The following ALDOA variants were observed in gnomAD, a reference collection of about 807,000 sequenced individuals.
ALDOA encodes the protein fructose-bisphosphate aldolase A.
In ALDOA, 26 loss-of-function variants were observed where a neutral mutation model predicts 43.9. The observed-to-expected ratio is 0.59, with a 90% CI of 0.43 to 0.82. ALDOA has a LOEUF of 0.82. ALDOA is among the 40% of genes least tolerant of loss of function. The probability of loss-of-function intolerance (pLI) is 0.00; values close to 1 mark genes in which losing one functional copy is unlikely to be tolerated. For missense variants in ALDOA, 498 were observed against 549.5 expected (o/e 0.91, Z 0.94); for synonymous variants, 258 against 222.6 (o/e 1.16, Z -1.42).
In ALDOA at chr16:30,067,568, C is replaced by T. The variant is rs769441707; in HGVS notation, c.393C>T (p.Val131=). Residue 131 remains valine (V), a synonymous_variant, in exon 4 of 10, where the codon GTC becomes GTT. Coordinates refer to ENST00000642816, the MANE Select transcript of ALDOA (RefSeq NM_001243177.4). ...DDRVNPCIGG[V]ILFHETLYQK... ...GCGTGAACCCCTGCATTGGGGGTGT[C>T]ATCCTCTTCCATGAGACACTCTACC... The T allele has an allele frequency of 1.2e-6, 2 of 1,614,034 alleles. No homozygotes were observed. The highest frequency in any genetic ancestry group is 1.7e-6 in the Non-Finnish European group (2 of 1,180,036).
chr16:30,064,307 C>T, upstream of ALDOA: 1 of 395,586 alleles, frequency 2.5e-6, no homozygotes, highest in East Asian at 3.6e-5. Flanking sequence ...TCCAGAGAAT[C>T]AGAACAGCCA....
At chr16:30,067,854 A>G (rs1567323581) in intron 4 of ALDOA, 193 bp downstream of exon 4, 1 of 688,310 alleles carries the variant, frequency 1.5e-6, no homozygotes, top group Non-Finnish European at 2.5e-6. Context: ...CACTTTACAC[A>G]TGAAAATCTC....
chr16:30,068,658 G>A lies in ALDOA; in HGVS notation c.499G>A (p.Val167Met), dbSNP rs148193398. ...GVVGIKVDKG[V>M]VPLAGTNGET... ...CTGACCCCAACAGGTAGACAAGGGC[G>A]TGGTCCCCCTGGCAGGGACAAATGG... Residue 167 changes from valine to methionine, a missense_variant, in exon 5 of 10, where the codon GTG (valine) becomes ATG (methionine). By Grantham distance (21) the Val-to-Met change is conservative (BLOSUM62 1). Coordinates refer to ENST00000642816, the MANE Select transcript of ALDOA (RefSeq NM_001243177.4). 4.1e-5 allele frequency: 66 copies of A among 1,614,210 alleles called. 1 individual carries two copies. Among genetic ancestry groups the A allele is most frequent in the South Asian group, 1.5e-4 (14 of 91,090 alleles).
chr16:30,067,029 G>T lies in ALDOA; in HGVS notation c.132G>T (p.Glu44Asp). 1 of 1,577,276 alleles carries T rather than the reference G, an allele frequency of 6.3e-7. No individual in the cohort carries two copies. Among genetic ancestry groups the T allele is most frequent in the Non-Finnish European group, 8.6e-7 (1 of 1,162,522 alleles). Reference sequence around the variant, plus strand: ...TGGGCAACACCCAGCACCAGACAGAGTTAGGAAAGGTACAGGGGCAGGCCT... The same window carrying T: ...TGGGCAACACCCAGCACCAGACAGATTTAGGAAAGGTACAGGGGCAGGCCT... The part of the protein sequence containing the change: ...PQLGNTQHQT[E>D]LGKELATTST... The change falls in exon 2 of 10, where the codon GAG (glutamate) becomes GAT (aspartate). Residue 44 changes from glutamate to aspartate, a missense_variant. Physicochemically the swap from Glu to Asp is conservative, Grantham distance 45. Transcript: ENST00000642816.
At position 30,069,519 on chromosome 16, in the gene ALDOA, G is replaced by T. The variant is rs1455309434; in HGVS notation, c.807G>T (p.Lys269Asn). 6.2e-6 allele frequency: 10 copies of T among 1,614,098 alleles called. No homozygotes were observed. Among genetic ancestry groups the T allele is most frequent in the Non-Finnish European group, 8.5e-6 (10 of 1,180,032 alleles). ...TCCAGGTGCTGGCTGCTGTCTACAA[G>T]GCTCTGAGTGACCACCACATCTACC... The part of the protein sequence containing the change: ...VTEKVLAAVY[K>N]ALSDHHIYLE... Residue 269 changes from lysine to asparagine, a missense_variant, in exon 8 of 10, where the codon AAG (lysine) becomes AAT (asparagine). Coordinates refer to ENST00000642816, the MANE Select transcript of ALDOA (RefSeq NM_001243177.4).
chr16:30,068,540 C>T (rs751349176), intron 4 of ALDOA, 106 bp from the exon 5 acceptor site: 7 of 1,294,910 alleles, frequency 5.4e-6, no homozygotes, highest in Admixed American at 3.6e-5. Flanking sequence ...GAAGTGGAGG[C>T]TTCAGTGAGC....
chr16:30,068,554 G>A, intron 4 of ALDOA, 92 bp from the exon 5 acceptor site: 2 of 1,431,838 alleles, frequency 1.4e-6, no homozygotes, highest in Non-Finnish European at 2.0e-6. Flanking sequence ...AGTGAGCTGA[G>A]ATTCCACCAC....
chr16:30,067,838 C>T, intron 4 of ALDOA, 177 bp downstream of exon 4: 2 of 730,994 alleles, frequency 2.7e-6, no homozygotes, highest in African/African-American at 1.7e-5. Context: ...AGAACAGTAT[C>T]ATTCCCACTT....
rs1267071413 is a variant in ALDOA at position 30,070,173 on chromosome 16, T to G, written c.1218T>G (p.Ala406=). 2 of 1,614,020 alleles carry G rather than the reference T, an allele frequency of 1.2e-6. No homozygotes were observed. The highest frequency in any genetic ancestry group is 1.7e-6 in the Non-Finnish European group (2 of 1,180,040). Residue 406 remains alanine (A), a synonymous_variant, in exon 10 of 10, where the codon GCT becomes GCG. Coordinates refer to ENST00000642816, the MANE Select transcript of ALDOA (RefSeq NM_001243177.4). The part of the protein sequence containing the change: ...KYTPSGQAGA[A]ASESLFVSNH... The stretch of plus-strand genomic sequence containing the variant: ...CTCCGAGCGGTCAGGCTGGGGCTGC[T>G]GCCAGCGAGTCCCTCTTCGTCTCTA...
In ALDOA at chr16:30,070,292, G is replaced by T; in HGVS notation, c.*80G>T. On this transcript the variant is annotated 3_prime_UTR_variant, in exon 10 of 10. Coordinates refer to ENST00000642816, the MANE Select transcript of ALDOA (RefSeq NM_001243177.4). ...TTGAAGAGGAGGCCGCCTCCTCGGGGCTCCAGGCTGGCTTGCCCGCGCTCT... is the reference window on the plus strand; with the variant it reads ...TTGAAGAGGAGGCCGCCTCCTCGGGTCTCCAGGCTGGCTTGCCCGCGCTCT... The T allele has an allele frequency of 7.0e-7, 1 of 1,419,674 alleles. No homozygotes were observed. The highest frequency in any genetic ancestry group is 2.3e-5 in the East Asian group (1 of 43,854). The allele number at this position is 1,419,674 out of a possible 1,614,324, so 87.9% of individuals were successfully genotyped here. A position where few individuals can be genotyped will look rare whatever the true frequency, so the allele number is the denominator to read the frequency against.
At chr16:30,067,181 G>C in intron 2 of ALDOA, 53 bp from the exon 3 acceptor site, 1 of 1,610,316 alleles carries the variant, frequency 6.2e-7, no homozygotes, top group Non-Finnish European at 8.5e-7. Context: ...GTCATCGGGA[G>C]ATGATGGGAA....
rs2072125606 is a variant in ALDOA, at chr16:30,066,872, G to A, written c.-13-13G>A. ...TTACATTCTAAAATACTCCGGTTCG[G>A]TTTTGTTTTCAGGCAAGGTGACCCC... On this transcript the variant is annotated splice_polypyrimidine_tract_variant and intron_variant, in intron 1 of 9. Transcript: ENST00000642816. 2.6e-5 allele frequency: 40 copies of A among 1,546,518 alleles called. No individual in the cohort carries two copies. The highest frequency in any genetic ancestry group is 3.4e-5 in the Non-Finnish European group (39 of 1,144,746).
rs771740082 is a variant in ALDOA at position 30,068,664 on chromosome 16, C to T, written c.505C>T (p.Pro169Ser). The T allele has an allele frequency of 3.2e-5, 51 of 1,614,066 alleles. No homozygotes were observed. The highest frequency in any genetic ancestry group is 3.9e-5 in the Non-Finnish European group (46 of 1,180,038). ...CCAACAGGTAGACAAGGGCGTGGTC[C>T]CCCTGGCAGGGACAAATGGCGAGAC... is the stretch of plus-strand genomic sequence containing the variant. ...VGIKVDKGVV[P>S]LAGTNGETTT... Residue 169 changes from proline (P) to serine (S), a missense_variant, in exon 5 of 10, where the codon CCC (proline) becomes TCC (serine). Transcript: ENST00000642816.
chr16:30,068,060 A>AC (rs1329009717), intron 4 of ALDOA: 69 of 221,362 alleles, frequency 3.1e-4, no homozygotes, highest in African/African-American at 1.6e-3. Context: ...CATTTTAAGT[A>AC]AATTTTTTTT....
In ALDOA at chr16:30,067,364, C is replaced by G. The variant is rs757070186; in HGVS notation, c.272C>G (p.Thr91Ser). The G allele has an allele frequency of 3.7e-6, 6 of 1,614,064 alleles. No individual in the cohort carries two copies. In the South Asian group the frequency reaches 6.6e-5, roughly 18 times the overall value. ...GKGILAADES[T>S]GSIAKRLQSI... ...GGCATCCTGGCTGCAGATGAGTCCACTGGTGCGGGCAGGAGACAGAATGGG... is the reference window on the plus strand; with the variant it reads ...GGCATCCTGGCTGCAGATGAGTCCAGTGGTGCGGGCAGGAGACAGAATGGG... Residue 91 changes from threonine to serine, a missense_variant and splice_region_variant, in exon 3 of 10, where the codon ACT becomes AGT. Transcript: ENST00000642816.
Position 30,069,510 on chromosome 16 carries a change from T to C in ALDOA, c.798T>C (p.Ala266=). 2 of 1,614,140 alleles carry C rather than the reference T, an allele frequency of 1.2e-6. No individual in the cohort carries two copies. Among genetic ancestry groups the C allele is most frequent in the Non-Finnish European group, 1.7e-6 (2 of 1,180,024 alleles). ...CQYVTEKVLA[A]VYKALSDHHI... is the part of the protein sequence containing the mutation. ...CTGCTCTGCTCCAGGTGCTGGCTGC[T>C]GTCTACAAGGCTCTGAGTGACCACC... The change falls in exon 8 of 10, where the codon GCT becomes GCC. Residue 266 remains alanine (A), a synonymous_variant. Coordinates refer to ENST00000642816, the MANE Select transcript of ALDOA (RefSeq NM_001243177.4).
chr16:30,069,249 T>G, intron 6 of ALDOA, 57 bp from the exon 7 acceptor site: 1 of 1,569,064 alleles, frequency 6.4e-7, no homozygotes, highest in Non-Finnish European at 8.8e-7. Context: ...TGTGGAGAGA[T>G]GTAGGTGGGA....
chr16:30,067,573 T>C lies in ALDOA; in HGVS notation c.398T>C (p.Leu133Pro). The C allele has an allele frequency of 6.2e-7, 1 of 1,613,962 alleles. No individual in the cohort carries two copies. Reference protein sequence around the residue: ...RVNPCIGGVILFHETLYQKAD... With the variant: ...RVNPCIGGVIPFHETLYQKAD... ...AACCCCTGCATTGGGGGTGTCATCC[T>C]CTTCCATGAGACACTCTACCAGAAG... Residue 133 changes from leucine to proline, a missense_variant, in exon 4 of 10, where the codon CTC (leucine) becomes CCC (proline). Leu to Pro is a moderately conservative substitution (Grantham distance 98). Transcript: ENST00000642816.
chr16:30,067,530 ACAG>A lies in ALDOA; in HGVS notation c.357_359del (p.Ala120del), dbSNP rs1475604530. On this transcript the variant is annotated inframe_deletion, in exon 4 of 10. Coordinates refer to ENST00000642816, the MANE Select transcript of ALDOA (RefSeq NM_001243177.4). ...GCGCTTCTACCGCCAGCTGCTGCTG[ACAG>A]CTGACGACCGCGTGAACCCCTGCAT... 5 of 1,613,578 alleles carry A rather than the reference ACAG, an allele frequency of 3.1e-6. No individual in the cohort carries two copies. The Admixed American group carries it at 5.0e-5, about 16-fold the overall frequency.
Sources: allele counts gnomAD v4.1 joint callset, GRCh38; gene constraint gnomAD v4.1.1; transcripts MANE v1.5; gene names NCBI Gene and HGNC (gene_info 2026-07-23, HGNC 2026-07-21).